Variants in XKR3 observed in about 807,000 individuals in gnomAD.
XKR3 encodes XK related 3, also known as XK-related protein 3.
In XKR3, 27 loss-of-function variants were observed where a neutral mutation model predicts 40.3. The ratio of observed to expected loss-of-function variants is 0.67; its 90% CI spans 0.49 to 0.92. The LOEUF (loss-of-function observed/expected upper bound fraction) is 0.92, where lower values mean the gene tolerates loss of function less well. XKR3 is among the 40% of genes least tolerant of loss of function. The pLI is 0.00. For synonymous variants in XKR3, 193 were observed against 195.4 expected, an observed-to-expected ratio of 0.99 and a Z score of 0.10; for missense variants, 472 against 537.6, an observed-to-expected ratio of 0.88 and a Z score of 1.21.
At chr22:16,824,536 G>A (rs962502668) in intron 1 of XKR3, among the ~76,000 whole-genome samples, 1 of 152,070 alleles carries the variant, frequency 6.6e-6, no homozygotes, top group Admixed American at 6.6e-5. Context: ...GGAAGGAGGA[G>A]GGAGAGTAGA....
intron 3 of XKR3, among the ~76,000 whole-genome samples, chr22:16,792,027 C>T (rs1374843117): frequency 7.2e-5 from 11 of 152,000 alleles, no homozygotes; most frequent in African/African-American, 1.7e-4. Flanking sequence ...TTGCATCCTC[C>T]GTCTGCTGGG....
At chr22:16,796,837 C>T (rs1274648484) in intron 3 of XKR3, among the ~76,000 whole-genome samples, 2 of 152,170 alleles carry the variant, frequency 1.3e-5, no homozygotes, top group Non-Finnish European at 2.9e-5. Flanking sequence ...TGTGGAACAG[C>T]AACAACAAGA....
Position 16,791,813 on chromosome 22 carries a change from AAG to A in XKR3, c.590-7406_590-7405del, listed in dbSNP as rs147511169. Reference sequence around the variant, plus strand: ...AGAGAGAGAGAGAGAGAGAGAGAGAAAGAGAGAGAGAGAGAGAGAGACTGACT... The same window carrying A: ...AGAGAGAGAGAGAGAGAGAGAGAGAAAGAGAGAGAGAGAGAGAGACTGACT... On this transcript the variant is annotated intron_variant, in intron 3 of 3. Transcript: ENST00000684488. 5.3e-3 allele frequency among the ~76,000 whole-genome samples: 185 copies of A among 34,874 alleles called. 1 individual carries two copies. The highest frequency in any genetic ancestry group is 0.014 in the South Asian group (12 of 882). 22.9% of individuals were successfully genotyped at this position (34,874 alleles called of 152,430 possible).
Position 16,823,806 on chromosome 22 carries a change from GTT to G in XKR3, c.-11+1483_-11+1484del, listed in dbSNP as rs34901478. ...CTTTAGGGTACTCAAGTACTAAAAG[GTT>G]TTTTTTTTTTAATGTAAACAAACTC... On this transcript the variant is annotated intron_variant, in intron 1 of 3. Coordinates refer to ENST00000684488, the MANE Select transcript of XKR3 (RefSeq NM_001386955.1). Among the ~76,000 whole-genome samples, 259 of 149,070 alleles carry G rather than the reference GTT, an allele frequency of 1.7e-3. 1 individual carries two copies. Among genetic ancestry groups the G allele is most frequent in the East Asian group, 0.011 (57 of 5,106 alleles).
chr22:16,819,233 T>G (rs1254935620), intron 1 of XKR3, among the ~76,000 whole-genome samples: 1 of 152,184 alleles, frequency 6.6e-6, no homozygotes, highest in African/African-American at 2.4e-5. Context: ...ATATATTTGA[T>G]GCAATTCCTA....
rs2060096539 is a variant in XKR3, at chr22:16,787,692, C to G, written c.590-3283G>C. On this transcript the variant is annotated intron_variant, in intron 3 of 3. Coordinates refer to ENST00000684488, the MANE Select transcript of XKR3 (RefSeq NM_001386955.1). ...TCAGGTAAAGGAATATTGAAGTCTT[C>G]CAATAAGATTAAATCCAAATAATAT... Among the ~76,000 whole-genome samples, 5 of 151,908 alleles carry G rather than the reference C, an allele frequency of 3.3e-5. No homozygotes were observed. In the South Asian group the frequency reaches 1.0e-3, roughly 32 times the overall value.
At chr22:16,813,232 C>G (rs1389358875) in intron 1 of XKR3, among the ~76,000 whole-genome samples, 1 of 151,052 alleles carries the variant, frequency 6.6e-6, no homozygotes, top group Admixed American at 6.6e-5. Flanking sequence ...TGCAGTGAGC[C>G]AAGATTGCAC....
At chr22:16,796,783 C>T (rs1433988683) in intron 3 of XKR3, among the ~76,000 whole-genome samples, 15 of 152,304 alleles carry the variant, frequency 9.8e-5, no homozygotes, top group African/African-American at 2.6e-4. Context: ...AAACTGCCAA[C>T]GTCATTCTTC....
At chr22:16,797,509 GT>G (rs2060146441) in intron 3 of XKR3, among the ~76,000 whole-genome samples, 1 of 152,134 alleles carries the variant, frequency 6.6e-6, no homozygotes, top group Non-Finnish European at 1.5e-5. Context: ...ATAGGTAAAA[GT>G]GGCCAGGCGC....
In XKR3 at chr22:16,799,992, C is replaced by T. The variant is rs148299520; in HGVS notation, c.368G>A (p.Trp123Ter). Residue 123 changes from tryptophan (W) to a stop codon, truncating the protein, a stop_gained, in exon 3 of 4, where the codon TGG becomes TAG. Coordinates refer to ENST00000684488, the MANE Select transcript of XKR3 (RefSeq NM_001386955.1). LOFTEE classifies it high-confidence loss of function. ...CTTCTCCTGTTTAAGATTTTTCAAC[C>T]ATTTGTGGTAATTTCTAATGGTGTG... Reference protein sequence around the residue: ...CLHTIRNYHKWLKNLKQEKEE... With the variant: ...CLHTIRNYHK 6.2e-7 allele frequency: 1 copy of T among 1,614,050 alleles called. No homozygotes were observed. Among genetic ancestry groups the T allele is most frequent in the African/African-American group, 1.3e-5 (1 of 75,010 alleles).
At chr22:16,784,964 C>A (rs1225317806) in intron 3 of XKR3, among the ~76,000 whole-genome samples, 1 of 152,096 alleles carries the variant, frequency 6.6e-6, no homozygotes, top group Non-Finnish European at 1.5e-5. Context: ...ACAGATTCTG[C>A]TGAGTGATGG....
At chr22:16,802,477 C>T (rs930725294) in intron 2 of XKR3, among the ~76,000 whole-genome samples, 1 of 151,162 alleles carries the variant, frequency 6.6e-6, no homozygotes, top group Non-Finnish European at 1.5e-5. Flanking sequence ...TTCATGTAAA[C>T]CATCCCAGTC....
chr22:16,794,626 G>C (rs2060133167), intron 3 of XKR3, among the ~76,000 whole-genome samples: 1 of 152,312 alleles, frequency 6.6e-6, no homozygotes, highest in Admixed American at 6.5e-5. Context: ...TTAAGCGCAA[G>C]CCCACATGCA....
At chr22:16,790,354 A>G (rs2060109864) in intron 3 of XKR3, among the ~76,000 whole-genome samples, 1 of 152,084 alleles carries the variant, frequency 6.6e-6, no homozygotes, top group African/African-American at 2.4e-5. Flanking sequence ...AAAAAAAAAA[A>G]AAAATCAGAG....
chr22:16,815,224 G>T (rs55855370), intron 1 of XKR3, among the ~76,000 whole-genome samples: 3 of 151,622 alleles, frequency 2.0e-5, no homozygotes, highest in Non-Finnish European at 3.0e-5. Context: ...ATATGGTTTG[G>T]GTTCCTTAAT....
intron 1 of XKR3, among the ~76,000 whole-genome samples, chr22:16,822,159 A>C (rs1379557673): frequency 6.6e-6 from 1 of 152,120 alleles, no homozygotes; most frequent in Non-Finnish European, 1.5e-5. Flanking sequence ...TTGACTGTTG[A>C]AATAATAAAA....
chr22:16,823,144 G>C (rs886446993), intron 1 of XKR3, among the ~76,000 whole-genome samples: 5 of 152,054 alleles, frequency 3.3e-5, no homozygotes, highest in African/African-American at 9.7e-5. Context: ...TCCAGTGTTG[G>C]GATTACAAGC....
chr22:16,789,711 G>A (rs2060105785), intron 3 of XKR3, among the ~76,000 whole-genome samples: 1 of 152,042 alleles, frequency 6.6e-6, no homozygotes, highest in African/African-American at 2.4e-5. Flanking sequence ...AACCTGAATA[G>A]CCAAAGCAAT....
At chr22:16,811,264 G>A (rs763167589) in intron 1 of XKR3, among the ~76,000 whole-genome samples, 1 of 151,906 alleles carries the variant, frequency 6.6e-6, no homozygotes, top group African/African-American at 2.4e-5. Flanking sequence ...TGGGACCACA[G>A]GTGCCCACCA....
Sources: allele counts gnomAD v4.1 joint callset (sites outside exome capture counted in the v4.1 genomes callset), GRCh38; gene constraint gnomAD v4.1.1; transcripts MANE v1.5; gene names NCBI Gene and HGNC (gene_info 2026-07-23, HGNC 2026-07-21).